Variants in CPSF6 observed in about 807,000 individuals in gnomAD.
CPSF6 encodes the protein cleavage and polyadenylation specificity factor subunit 6.
Under a neutral mutation model 56.7 loss-of-function variants are expected in CPSF6, and 10 were observed. The ratio of observed to expected loss-of-function variants is 0.18; its 90% CI spans 0.11 to 0.30. CPSF6 has a LOEUF of 0.30. Among genes scored for constraint, CPSF6 ranks in the 10% least tolerant of loss-of-function variants. CPSF6 has a pLI of 1.00. For synonymous variants in CPSF6, 248 were observed against 244.8 expected, an observed-to-expected ratio of 1.01 and a Z score of -0.12; for missense variants, 419 against 722.9, an observed-to-expected ratio of 0.58 and a Z score of 4.82.
At chr12:69,253,724 A>G (rs546937939) in intron 3 of CPSF6, among the ~76,000 whole-genome samples, 3 of 152,150 alleles carry the variant, frequency 2.0e-5, no homozygotes, top group African/African-American at 4.8e-5. Flanking sequence ...CATGTGTTTT[A>G]TATGTTTGAT....
rs2120583076 is a variant in CPSF6, at chr12:69,260,237, TA to T, written c.1469+41del. The T allele has an allele frequency of 2.1e-6, 3 of 1,443,852 alleles. No individual in the cohort carries two copies. The East Asian group carries it at 7.7e-5, about 37-fold the overall frequency. The allele number at this position is 1,443,852 out of a possible 1,614,324, so 89.4% of individuals were successfully genotyped here. A position where few individuals can be genotyped will look rare whatever the true frequency, so the allele number is the denominator to read the frequency against. On this transcript the variant is annotated intron_variant, in intron 8 of 9. Transcript: ENST00000435070. ...TCTCATTTCCATTTAAAAAAACTGT[TA>T]GTTTACAAATGGAAAAAATACTGTG...
chr12:69,244,542 AT>A (rs989645202), intron 1 of CPSF6, among the ~76,000 whole-genome samples: 74 of 149,378 alleles, frequency 5.0e-4, no homozygotes, highest in Admixed American at 1.1e-3. Context: ...TTTCTATTAA[AT>A]TTTTTTTTTT....
intron 9 of CPSF6, among the ~76,000 whole-genome samples, chr12:69,263,087 A>T (rs1245044165): frequency 1.5e-5 from 1 of 68,104 alleles, no homozygotes; most frequent in Non-Finnish European, 2.8e-5. Flanking sequence ...ATTTTCCTTT[A>T]AAAAAAAAAT....
chr12:69,256,611 C>G, intron 3 of CPSF6, 86 bp from the exon 4 acceptor site: 1 of 1,330,474 alleles, frequency 7.5e-7, no homozygotes, highest in Non-Finnish European at 1.0e-6. Context: ...TAGATAAAAG[C>G]AGATTAAGAC....
chr12:69,263,769 A>G (rs531997830), intron 9 of CPSF6, among the ~76,000 whole-genome samples: 1 of 152,202 alleles, frequency 6.6e-6, no homozygotes, highest in East Asian at 1.9e-4. Context: ...ATGCCTAGAA[A>G]ATAAGCATGC....
chr12:69,252,082 T>G (rs1291142190), intron 2 of CPSF6: 1 of 455,720 alleles, frequency 2.2e-6, no homozygotes, highest in South Asian at 1.5e-5. Flanking sequence ...TTTCTTTTTT[T>G]CAGGGGGAGA....
chr12:69,239,602 C>T lies in CPSF6; in HGVS notation c.-45C>T, dbSNP rs1212527257. 19 of 1,531,858 alleles carry T rather than the reference C, an allele frequency of 1.2e-5. No individual in the cohort carries two copies. In the South Asian group the frequency reaches 2.0e-4, roughly 16 times the overall value. The allele number at this position is 1,531,858 out of a possible 1,614,324, so 94.9% of individuals were successfully genotyped here. ...CGCTGCTGCTGCCGCGGCGGGCAGA[C>T]CTGCAGGAGGCGGCGGCGGCGGCGG... On this transcript the variant is annotated 5_prime_UTR_variant, in exon 1 of 10. Transcript: ENST00000435070.
intron 1 of CPSF6, among the ~76,000 whole-genome samples, chr12:69,245,476 C>T (rs1023218315): frequency 6.6e-6 from 1 of 152,122 alleles, no homozygotes; most frequent in African/African-American, 2.4e-5. Context: ...CCTTGCTTTC[C>T]GTGGCTTTAG....
intron 8 of CPSF6, among the ~76,000 whole-genome samples, chr12:69,261,168 C>T (rs1007380089): frequency 1.3e-5 from 2 of 152,178 alleles, no homozygotes; most frequent in Non-Finnish European, 2.9e-5. Context: ...GAGAAAAGAG[C>T]TTGCCTTTGA....
intron 2 of CPSF6, chr12:69,252,108 T>A (rs1241357185): frequency 2.2e-6 from 1 of 454,994 alleles, no homozygotes; most frequent in East Asian, 7.0e-5. Context: ...TTTGCAAAAC[T>A]CTGTCACCCA....
chr12:69,239,918 G>T (rs946580322), intron 1 of CPSF6, among the ~76,000 whole-genome samples: 1 of 149,326 alleles, frequency 6.7e-6, no homozygotes, highest in Non-Finnish European at 1.5e-5. Context: ...GTCGCCGCGG[G>T]GCCCGGAGCG....
chr12:69,246,447 G>C (rs1440421664), intron 1 of CPSF6, among the ~76,000 whole-genome samples: 2 of 152,040 alleles, frequency 1.3e-5, no homozygotes, highest in Non-Finnish European at 2.9e-5. Context: ...GTTATTTATG[G>C]GTGCAGTTAA....
At position 69,245,660 on chromosome 12, in the gene CPSF6, C is replaced by A. The variant is rs549098997; in HGVS notation, c.61-5469C>A. On this transcript the variant is annotated intron_variant, in intron 1 of 9. Transcript: ENST00000435070. The stretch of plus-strand genomic sequence containing the variant: ...ATTCTGTGAACTTTAGGGAAACTTA[C>A]ACTGCTTGCATTGAAGTAGTATGTT... Among the ~76,000 whole-genome samples, 33 of 152,266 alleles carry A rather than the reference C, an allele frequency of 2.2e-4. No homozygotes were observed. The South Asian group carries it at 4.1e-3, about 19-fold the overall frequency.
chr12:69,246,852 TG>T (rs1214628397), intron 1 of CPSF6, among the ~76,000 whole-genome samples: 1 of 152,186 alleles, frequency 6.6e-6, no homozygotes, highest in Non-Finnish European at 1.5e-5. Flanking sequence ...ATGGTAGAGA[TG>T]GGATCTTCCT....
chr12:69,261,250 CATAG>C (rs1315930731), intron 8 of CPSF6, among the ~76,000 whole-genome samples: 2 of 152,050 alleles, frequency 1.3e-5, no homozygotes, highest in Non-Finnish European at 2.9e-5. Context: ...ACAAATTTGT[CATAG>C]ATATAGTTAT....
At position 69,249,681 on chromosome 12, in the gene CPSF6, G is replaced by A. The variant is rs373734771; in HGVS notation, c.61-1448G>A. Reference sequence around the variant, plus strand: ...AGAAGATAAAAATGGAGATTTTCCTGTGCTACAGGCTTAGTCAAGCTTATG... The same window carrying A: ...AGAAGATAAAAATGGAGATTTTCCTATGCTACAGGCTTAGTCAAGCTTATG... On this transcript the variant is annotated intron_variant, in intron 1 of 9. Coordinates refer to ENST00000435070, the MANE Select transcript of CPSF6 (RefSeq NM_007007.3). Among the ~76,000 whole-genome samples, 18 of 152,316 alleles carry A rather than the reference G, an allele frequency of 1.2e-4. No homozygotes were observed. The South Asian group carries it at 3.3e-3, about 28-fold the overall frequency.
chr12:69,271,072 A>G lies in CPSF6; in HGVS notation c.*1564A>G, dbSNP rs985195631. On this transcript the variant is annotated 3_prime_UTR_variant, in exon 10 of 10. Coordinates refer to ENST00000435070, the MANE Select transcript of CPSF6 (RefSeq NM_007007.3). ...GTTCTTCACTTTCATCTTGTCTGCTATCAAACCACTTCTGACAAAATTAGC... is the reference window on the plus strand; with the variant it reads ...GTTCTTCACTTTCATCTTGTCTGCTGTCAAACCACTTCTGACAAAATTAGC... The G allele has an allele frequency of 3.3e-5, 5 of 152,068 alleles. No individual in the cohort carries two copies. The highest frequency in any genetic ancestry group is 4.8e-5 in the African/African-American group (2 of 41,426). The allele number at this position is 152,068 out of a possible 1,614,324, so 9.4% of individuals were successfully genotyped here. A position where few individuals can be genotyped will look rare whatever the true frequency, so the allele number is the denominator to read the frequency against.
chr12:69,259,032 A>C lies in CPSF6; in HGVS notation c.1137A>C (p.Pro379=), dbSNP rs1352869269. 1 of 1,607,804 alleles carries C rather than the reference A, an allele frequency of 6.2e-7. No individual in the cohort carries two copies. The highest frequency in any genetic ancestry group is 1.1e-5 in the South Asian group (1 of 91,078). The change falls in exon 6 of 10, where the codon CCA becomes CCC. Residue 379 remains proline (P), a synonymous_variant. Transcript: ENST00000435070. ...GMPTSDSRGP[P]PTDPYGRPPP... ...CTACATCAGATAGCCGAGGTCCACC[A>C]CCAACAGATCCATATGGGCGACCTC...
In CPSF6 at chr12:69,270,663, A is replaced by T. The variant is rs938419633; in HGVS notation, c.*1155A>T. On this transcript the variant is annotated 3_prime_UTR_variant, in exon 10 of 10. Transcript: ENST00000435070. ...ACCGTGTCTGCACAGTTTAAGGAAT[A>T]CTATGTATATTCATGCACCGTATTG... 1 of 151,712 alleles carries T rather than the reference A, an allele frequency of 6.6e-6. No individual in the cohort carries two copies. The highest frequency in any genetic ancestry group is 1.5e-5 in the Non-Finnish European group (1 of 67,666). 9.4% of individuals were successfully genotyped at this position (151,712 alleles called of 1,614,324 possible).
Sources: allele counts gnomAD v4.1 joint callset (sites outside exome capture counted in the v4.1 genomes callset), GRCh38; gene constraint gnomAD v4.1.1; transcripts MANE v1.5; gene names NCBI Gene and HGNC (gene_info 2026-07-23, HGNC 2026-07-21).